Variants in FGF14 observed in about 807,000 individuals in gnomAD.
The protein encoded by FGF14 is fibroblast growth factor 14.
FGF14 carries 5 observed loss-of-function variants against 25.5 expected under a neutral mutation model. The ratio of observed to expected loss-of-function variants is 0.20; its 90% confidence interval spans 0.10 to 0.41. FGF14 has a LOEUF of 0.41. Among genes scored for constraint, FGF14 ranks in the 10% least tolerant of loss-of-function variants. FGF14 has a pLI of 1.00. For synonymous variants in FGF14, 138 were observed against 118.3 expected, an observed-to-expected ratio of 1.17 and a Z score of -1.08; for missense variants, 222 against 320.1, an observed-to-expected ratio of 0.69 and a Z score of 2.34.
chr13:102,244,463 GAA>G lies in FGF14; in HGVS notation c.208+157006_208+157007del, dbSNP rs57480296. On this transcript the variant is annotated intron_variant, in intron 1 of 4. Coordinates refer to the FGF14 transcript ENST00000376131. ...AATAAATAAGCACAGCACTTTAAAT[GAA>G]AAAAAAAAAACTTCCTTAAAATTAT... 1.1e-3 allele frequency among the ~76,000 whole-genome samples: 151 copies of G among 142,370 alleles called. 1 individual carries two copies. Among genetic ancestry groups the G allele is most frequent in the East Asian group, 9.3e-3 (46 of 4,936 alleles). The allele number at this position is 142,370 out of a possible 152,430, so 93.4% of individuals were successfully genotyped here. A position where few individuals can be genotyped will look rare whatever the true frequency, so the allele number is the denominator to read the frequency against.
At chr13:102,190,610 T>A (rs2140820201) in intron 1 of FGF14, among the ~76,000 whole-genome samples, 1 of 152,276 alleles carries the variant, frequency 6.6e-6, no homozygotes, top group East Asian at 1.9e-4. Context: ...AATCCCACCT[T>A]ACATTAATAG....
chr13:101,797,674 T>C (rs2040607215), intron 3 of FGF14, among the ~76,000 whole-genome samples: 2 of 151,542 alleles, frequency 1.3e-5, no homozygotes, highest in East Asian at 3.9e-4. Context: ...ATGTATTATC[T>C]GACCAAAGAA....
At chr13:101,928,690 A>G (rs2034540521) in intron 1 of FGF14, among the ~76,000 whole-genome samples, 1 of 152,162 alleles carries the variant, frequency 6.6e-6, no homozygotes, top group Non-Finnish European at 1.5e-5. Flanking sequence ...TGCTAAGCTC[A>G]CGGCTAACTG....
At chr13:102,298,972 T>C (rs1398655960) in intron 1 of FGF14, among the ~76,000 whole-genome samples, 1 of 152,178 alleles carries the variant, frequency 6.6e-6, no homozygotes, top group Non-Finnish European at 1.5e-5. Context: ...CAGATTACAC[T>C]AGACGTGAAT....
chr13:101,756,811 C>A (rs2037695604), intron 3 of FGF14, among the ~76,000 whole-genome samples: 1 of 152,096 alleles, frequency 6.6e-6, no homozygotes, highest in East Asian at 1.9e-4. Context: ...ACAGTTGAAT[C>A]TACATATTTT....
chr13:102,352,675 G>A (rs1376744693), intron 1 of FGF14, among the ~76,000 whole-genome samples: 3 of 152,186 alleles, frequency 2.0e-5, no homozygotes, highest in East Asian at 1.9e-4. Flanking sequence ...AGCCGGGGGC[G>A]GTGGTGGGCG....
intron 1 of FGF14, among the ~76,000 whole-genome samples, chr13:101,955,770 C>A (rs1337935531): frequency 6.6e-6 from 1 of 152,186 alleles, no homozygotes; most frequent in African/African-American, 2.4e-5. Context: ...AAGACCTTTG[C>A]TCCAACATAA....
chr13:102,149,820 T>G (rs554428926), intron 1 of FGF14, among the ~76,000 whole-genome samples: 2 of 152,304 alleles, frequency 1.3e-5, no homozygotes, highest in South Asian at 4.1e-4. Flanking sequence ...CAGGGAGCCC[T>G]ACTTGGACAT....
intron 1 of FGF14, among the ~76,000 whole-genome samples, chr13:101,932,705 C>T (rs1390875992): frequency 6.8e-6 from 1 of 146,098 alleles, no homozygotes; most frequent in African/African-American, 2.5e-5. Context: ...ATCTGTCAGT[C>T]GGTTGCCCCT....
chr13:102,187,297 T>A lies in FGF14; in HGVS notation c.208+214174A>T, dbSNP rs144201043. Among the ~76,000 whole-genome samples, 322 of 152,320 alleles carry A rather than the reference T, an allele frequency of 2.1e-3. 1 individual carries two copies. The highest frequency in any genetic ancestry group is 3.9e-3 in the Non-Finnish European group (266 of 68,022). ...CAAAGTATAATTACAAAATTGATTA[T>A]TTTCTTGGATAACACACAGGCACAG... On this transcript the variant is annotated intron_variant, in intron 1 of 4. Coordinates refer to the FGF14 transcript ENST00000376131.
chr13:102,022,503 T>G (rs778663548), intron 1 of FGF14, among the ~76,000 whole-genome samples: 1 of 152,058 alleles, frequency 6.6e-6, no homozygotes, highest in African/African-American at 2.4e-5. Flanking sequence ...CCTCACTCCA[T>G]CTGCTCAGAG....
chr13:101,967,812 A>C, intron 1 of FGF14: 1 of 154,100 alleles, frequency 6.5e-6, no homozygotes, highest in Non-Finnish European at 1.5e-5. Context: ...AACCTATTGC[A>C]TGGCTTAGAC....
At chr13:101,974,385 C>G (rs868625037) in intron 1 of FGF14, among the ~76,000 whole-genome samples, 4 of 152,290 alleles carry the variant, frequency 2.6e-5, no homozygotes, top group Middle Eastern at 3.4e-3. Flanking sequence ...AGGACCATAA[C>G]TATGCAGCAA....
chr13:102,120,485 G>A (rs982885486), intron 1 of FGF14, among the ~76,000 whole-genome samples: 4 of 152,150 alleles, frequency 2.6e-5, no homozygotes, highest in Non-Finnish European at 5.9e-5. Context: ...TAAGTAGATA[G>A]GCCTAGGCCA....
At chr13:102,292,439 T>C (rs938854515) in intron 1 of FGF14, 1 of 152,172 alleles carries the variant, frequency 6.6e-6, no homozygotes, top group Non-Finnish European at 1.5e-5. Flanking sequence ...TGAAGCAGTT[T>C]CCACAGATAA....
At chr13:101,958,932 A>G (rs770801853) in intron 1 of FGF14, among the ~76,000 whole-genome samples, 6 of 152,160 alleles carry the variant, frequency 3.9e-5, no homozygotes, top group Non-Finnish European at 7.3e-5. Context: ...ACTCCTCCCT[A>G]TGGATAAGAC....
intron 1 of FGF14, among the ~76,000 whole-genome samples, chr13:102,154,185 G>A (rs1324360519): frequency 5.9e-5 from 9 of 151,998 alleles, no homozygotes; most frequent in South Asian, 4.2e-4. Context: ...GATACTCCCC[G>A]AGAAGAGCAA....
chr13:102,367,944 T>C (rs1219778757), intron 1 of FGF14: 1 of 152,172 alleles, frequency 6.6e-6, no homozygotes, highest in Admixed American at 6.5e-5. Context: ...GGCTGAGGCC[T>C]TAAGAACCCA....
chr13:102,365,708 A>T (rs1399683034), intron 1 of FGF14, among the ~76,000 whole-genome samples: 1 of 151,826 alleles, frequency 6.6e-6, no homozygotes, highest in Non-Finnish European at 1.5e-5. Context: ...TTCCTTGGGG[A>T]TCTCCTACTT....
Sources: gnomAD v4.1 joint callset for allele counts (sites outside exome capture counted in the v4.1 genomes callset) on GRCh38, gnomAD v4.1.1 for gene constraint, MANE v1.5 for transcripts, NCBI Gene and HGNC (gene_info 2026-07-23, HGNC 2026-07-21) for gene names.